Variants in UBA6 observed in about 807,000 individuals in gnomAD.
UBA6 encodes ubiquitin like modifier activating enzyme 6.
A neutral mutation model predicts 148.3 loss-of-function variants in UBA6; 87 were observed. The observed-to-expected ratio is 0.59, with a 90% CI of 0.49 to 0.70. UBA6 has a LOEUF of 0.70. Among genes scored for constraint, UBA6 ranks in the 30% least tolerant of loss-of-function variants. UBA6 has a pLI of 0.00. For missense variants in UBA6, 1,186 were observed against 1,241.2 expected (o/e 0.96, Z 0.67); for synonymous variants, 376 against 401.0 (o/e 0.94, Z 0.75).
chr4:67,668,540 C>T lies in UBA6; in HGVS notation c.793+11G>A. ...TAAGTATAAATGAATTAATAAAACA[C>T]ATTGACTTACCCGTTATTTGTTGTA... is the stretch of plus-strand genomic sequence containing the variant. On this transcript the variant is annotated intron_variant, in intron 9 of 32. Coordinates refer to ENST00000322244, the MANE Select transcript of UBA6 (RefSeq NM_018227.6). The T allele has an allele frequency of 1.2e-6, 2 of 1,604,786 alleles. No homozygotes were observed. Among genetic ancestry groups the T allele is most frequent in the Non-Finnish European group, 1.7e-6 (2 of 1,174,676 alleles).
rs1451563300 is a variant in UBA6, at chr4:67,618,794, G to A, written c.*203C>T. ...CAAAGTTGCTTGTGATCATAGCCACGTGTGAACCGTTAGACAAGTGTATGC... is the reference window on the plus strand; with the variant it reads ...CAAAGTTGCTTGTGATCATAGCCACATGTGAACCGTTAGACAAGTGTATGC... On this transcript the variant is annotated 3_prime_UTR_variant, in exon 33 of 33. Coordinates refer to ENST00000322244, the MANE Select transcript of UBA6 (RefSeq NM_018227.6). The A allele has an allele frequency of 2.4e-5, 11 of 457,296 alleles. No individual in the cohort carries two copies. Among genetic ancestry groups the A allele is most frequent in the Non-Finnish European group, 4.2e-5 (11 of 264,006 alleles). 28.3% of individuals were successfully genotyped at this position (457,296 alleles called of 1,614,324 possible).
chr4:67,631,107 T>G (rs1413276668), intron 25 of UBA6, among the ~76,000 whole-genome samples: 1 of 152,122 alleles, frequency 6.6e-6, no homozygotes, highest in Non-Finnish European at 1.5e-5. Context: ...GCACCTGTAA[T>G]CCCAGCTACT....
chr4:67,677,923 A>G (rs1045388174), intron 5 of UBA6, among the ~76,000 whole-genome samples: 8 of 151,750 alleles, frequency 5.3e-5, no homozygotes, highest in Non-Finnish European at 8.8e-5. Context: ...ATCATATTCT[A>G]CAATAAACCA....
At chr4:67,658,599 C>G (rs1422538615) in intron 13 of UBA6, among the ~76,000 whole-genome samples, 3 of 152,022 alleles carry the variant, frequency 2.0e-5, no homozygotes, top group Admixed American at 6.6e-5. Flanking sequence ...GGCTTAATAC[C>G]TGGGTGATGA....
At position 67,701,122 on chromosome 4, in the gene UBA6, C is replaced by A. The variant is rs747552539; in HGVS notation, c.-3G>T. On this transcript the variant is annotated 5_prime_UTR_variant, in exon 1 of 33. Transcript: ENST00000322244. ...GCCACAGGCTCGGATCCTTCCATTGCCGCCTGAGACACCGCCGCCGGCTAC... is the reference window on the plus strand; with the variant it reads ...GCCACAGGCTCGGATCCTTCCATTGACGCCTGAGACACCGCCGCCGGCTAC... 3.1e-6 allele frequency: 5 copies of A among 1,612,772 alleles called. No homozygotes were observed. Among genetic ancestry groups the A allele is most frequent in the Admixed American group, 3.3e-5 (2 of 60,014 alleles).
chr4:67,621,086 T>TA (rs2109892190), intron 32 of UBA6, among the ~76,000 whole-genome samples: 1 of 152,334 alleles, frequency 6.6e-6, no homozygotes, highest in South Asian at 2.1e-4. Context: ...CCGCAAATTT[T>TA]AAACTCCACT....
At chr4:67,699,426 G>T (rs931312704) in intron 1 of UBA6, among the ~76,000 whole-genome samples, 3 of 152,092 alleles carry the variant, frequency 2.0e-5, no homozygotes, top group Admixed American at 6.6e-5. Context: ...CATATCAAAT[G>T]ATACCAGCTT....
At chr4:67,693,942 C>A (rs889310276) in intron 2 of UBA6, among the ~76,000 whole-genome samples, 1 of 151,876 alleles carries the variant, frequency 6.6e-6, no homozygotes, top group African/African-American at 2.4e-5. Context: ...CAGCTGGGCA[C>A]GGTGGCTCGC....
At position 67,638,314 on chromosome 4, in the gene UBA6, G is replaced by A. The variant is rs1405633871; in HGVS notation, c.1736+629C>T. 44 of 156,378 alleles carry A rather than the reference G, an allele frequency of 2.8e-4. 1 individual carries two copies. Among genetic ancestry groups the A allele is most frequent in the Non-Finnish European group, 1.5e-5 (1 of 68,894 alleles). The allele number at this position is 156,378 out of a possible 1,614,324, so 9.7% of individuals were successfully genotyped here. A position where few individuals can be genotyped will look rare whatever the true frequency, so the allele number is the denominator to read the frequency against. On this transcript the variant is annotated intron_variant, in intron 19 of 32. Transcript: ENST00000322244. ...ACAAGCAGAGGGACCTGAAGACCAT[G>A]CAGCTGAAGCAGAAAAGGGAAAACG... is the stretch of plus-strand genomic sequence containing the variant.
At chr4:67,620,419 C>G (rs1205290602) in intron 32 of UBA6, among the ~76,000 whole-genome samples, 1 of 152,290 alleles carries the variant, frequency 6.6e-6, no homozygotes, top group East Asian at 1.9e-4. Flanking sequence ...TAAAAATTTT[C>G]ATTATCACAG....
At chr4:67,696,524 C>T (rs202170642) in intron 2 of UBA6, 121 bp downstream of exon 2, 11,749 of 659,254 alleles carry the variant, frequency 0.018, 212 homozygotes, top group East Asian at 0.083. Flanking sequence ...TACATACACA[C>T]ACACACACAC....
intron 2 of UBA6, among the ~76,000 whole-genome samples, chr4:67,696,416 TACATATATACAC>T (rs1308484497): frequency 1.3e-5 from 2 of 149,540 alleles, no homozygotes; most frequent in African/African-American, 2.4e-5. Flanking sequence ...CACACACATA[TACATATATACAC>T]ACATATATAT....
At chr4:67,665,102 T>C (rs926159544) in intron 10 of UBA6, 87 bp downstream of exon 10, 15 of 685,000 alleles carry the variant, frequency 2.2e-5, no homozygotes, top group Middle Eastern at 7.2e-4. Flanking sequence ...ACATTTAATC[T>C]GTTTGGTTAA....
In UBA6 at chr4:67,618,717, G is replaced by C. The variant is rs1247660790; in HGVS notation, c.*280C>G. The C allele has an allele frequency of 3.8e-6, 1 of 261,628 alleles. No individual in the cohort carries two copies. The highest frequency in any genetic ancestry group is 2.2e-5 in the African/African-American group (1 of 45,244). 16.2% of individuals were successfully genotyped at this position (261,628 alleles called of 1,614,324 possible). ...TATTTTTTCCTTCTTTTTATCCAGA[G>C]AGATTAATACACAGATTAATACACA... On this transcript the variant is annotated 3_prime_UTR_variant, in exon 33 of 33. Transcript: ENST00000322244.
At chr4:67,689,158 GTT>G (rs1730637269) in intron 2 of UBA6, among the ~76,000 whole-genome samples, 1 of 152,092 alleles carries the variant, frequency 6.6e-6, no homozygotes, top group South Asian at 2.1e-4. Context: ...TAGTCTTTGT[GTT>G]AGATGATTTT....
rs1381434858 is a variant in UBA6, at chr4:67,612,704, T to C, written c.*6293A>G. 6.6e-6 allele frequency: 1 copy of C among 152,108 alleles called. No homozygotes were observed. The highest frequency in any genetic ancestry group is 2.4e-5 in the African/African-American group (1 of 41,426). 9.4% of individuals were successfully genotyped at this position (152,108 alleles called of 1,614,324 possible). A position where few individuals can be genotyped will look rare whatever the true frequency, so the allele number is the denominator to read the frequency against. On this transcript the variant is annotated 3_prime_UTR_variant, in exon 33 of 33. Transcript: ENST00000322244. ...TTTCCAGGTACAAAAACAATACAAATAAACCAACTGTATTTTACACATAAT... is the reference window on the plus strand; with the variant it reads ...TTTCCAGGTACAAAAACAATACAAACAAACCAACTGTATTTTACACATAAT...
chr4:67,625,901 CAGTAATTATGAACCTAAT>C (rs1298214340), intron 28 of UBA6, among the ~76,000 whole-genome samples: 1 of 151,872 alleles, frequency 6.6e-6, no homozygotes, highest in African/African-American at 2.4e-5. Context: ...TATTCCCTGT[CAGTAATTATGAACCTAAT>C]TACTAAAGAC....
intron 8 of UBA6, among the ~76,000 whole-genome samples, chr4:67,669,819 A>G (rs1458669058): frequency 6.6e-6 from 1 of 152,222 alleles, no homozygotes; most frequent in African/African-American, 2.4e-5. Flanking sequence ...TAGTGCATCC[A>G]CTATCTAACA....
intron 16 of UBA6, among the ~76,000 whole-genome samples, 174 bp downstream of exon 16, chr4:67,645,764 T>A (rs1307479351): frequency 1.3e-5 from 2 of 152,168 alleles, no homozygotes; most frequent in African/African-American, 4.8e-5. Flanking sequence ...GATGGAAAAC[T>A]TTTTCTGTAA....
Sources: gnomAD v4.1 joint callset for allele counts (sites outside exome capture counted in the v4.1 genomes callset) on GRCh38, gnomAD v4.1.1 for gene constraint, MANE v1.5 for transcripts, NCBI Gene and HGNC (gene_info 2026-07-23, HGNC 2026-07-21) for gene names.